Variants in LHPP observed in about 807,000 individuals in gnomAD.
The protein encoded by LHPP is hLHPP.
LHPP carries 24 observed loss-of-function variants against 30.3 expected under a neutral mutation model. The observed-to-expected ratio is 0.79, with a 90% CI of 0.57 to 1.11. The LOEUF is 1.11. Ranked by LOEUF, LHPP falls within the 50% of genes most tolerant of loss-of-function variation. The pLI is 0.00. For synonymous variants in LHPP, 150 were observed against 157.1 expected, an observed-to-expected ratio of 0.95 and a Z score of 0.34; for missense variants, 356 against 367.2, an observed-to-expected ratio of 0.97 and a Z score of 0.25.
intron 6 of LHPP, among the ~76,000 whole-genome samples, chr10:124,604,210 C>A (rs1949064541): frequency 6.6e-6 from 1 of 152,200 alleles, no homozygotes; most frequent in Non-Finnish European, 1.5e-5. Flanking sequence ...GAGGTCGGAG[C>A]AGCCTGCCTG....
intron 3 of LHPP, among the ~76,000 whole-genome samples, chr10:124,489,079 C>T (rs1338299761): frequency 1.3e-5 from 2 of 152,134 alleles, no homozygotes; most frequent in East Asian, 3.9e-4. Context: ...TTTGTCTGAG[C>T]CTTTAGCACA....
At chr10:124,587,918 G>A (rs1476484988) in intron 6 of LHPP, among the ~76,000 whole-genome samples, 15 of 152,158 alleles carry the variant, frequency 9.9e-5, no homozygotes, top group African/African-American at 2.7e-4. Context: ...CAGGGCTGCC[G>A]GCCTCTGTAA....
At chr10:124,573,190 G>A (rs897543472) in intron 6 of LHPP, among the ~76,000 whole-genome samples, 1 of 152,210 alleles carries the variant, frequency 6.6e-6, no homozygotes, top group African/African-American at 2.4e-5. Flanking sequence ...AAAAGTTATG[G>A]AGTTAGGATG....
intron 6 of LHPP, among the ~76,000 whole-genome samples, chr10:124,550,343 C>A (rs762519333): frequency 2.9e-4 from 44 of 152,362 alleles, no homozygotes; most frequent in Non-Finnish European, 2.8e-4. Flanking sequence ...GACTGTCCCC[C>A]CTTCTCCCCC....
chr10:124,545,666 G>A (rs2133950838), intron 6 of LHPP, among the ~76,000 whole-genome samples: 1 of 152,330 alleles, frequency 6.6e-6, no homozygotes, highest in South Asian at 2.1e-4. Context: ...TGGGGTGGAA[G>A]TGTTAGTGCG....
At chr10:124,587,711 G>T (rs989643452) in intron 6 of LHPP, among the ~76,000 whole-genome samples, 1 of 127,658 alleles carries the variant, frequency 7.8e-6, no homozygotes, top group Non-Finnish European at 1.5e-5. Context: ...CTGCACTCCA[G>T]CCTGGGAGAC....
intron 5 of LHPP, among the ~76,000 whole-genome samples, chr10:124,507,060 GTAGGGGTAGACAGGATTTCAGGT>G (rs1191044637): frequency 5.4e-5 from 1 of 18,664 alleles, no homozygotes; most frequent in Non-Finnish European, 9.6e-5. Flanking sequence ...GATTTCAGGT[GTAGGGGTAGACAGGATTTCAGGT>G]GGGGGGGTAG....
chr10:124,576,543 C>T lies in LHPP; in HGVS notation c.717-36721C>T, dbSNP rs1463707426. 1.3e-5 allele frequency among the ~76,000 whole-genome samples: 2 copies of T among 151,470 alleles called. No homozygotes were observed. Among genetic ancestry groups the T allele is most frequent in the Non-Finnish European group, 1.5e-5 (1 of 67,776 alleles). On this transcript the variant is annotated intron_variant, in intron 6 of 6. Coordinates refer to ENST00000368842, the MANE Select transcript of LHPP (RefSeq NM_022126.4). The surrounding 1 kb of genome is among the most constrained non-coding windows in gnomAD (Gnocchi z 4.2). Reference sequence around the variant, plus strand: ...CTCCATGGCCTGCCCCCAGATCCCCCTTTGCTGCCACCCCTATATCTTACC... The same window carrying T: ...CTCCATGGCCTGCCCCCAGATCCCCTTTTGCTGCCACCCCTATATCTTACC...
At chr10:124,472,239 A>C (rs1243056782) in intron 1 of LHPP, among the ~76,000 whole-genome samples, 2 of 151,990 alleles carry the variant, frequency 1.3e-5, no homozygotes, top group Non-Finnish European at 1.5e-5. Context: ...CTTGAACCCG[A>C]GAGGCAGAGG....
rs913206267 is a variant in LHPP, at chr10:124,593,040, G to A, written c.717-20224G>A. ...AGGTGGCCTCAGTCGGCGTTTCGGG[G>A]AACCGGGTACAAGTTGCTAGGGAAA... On this transcript the variant is annotated intron_variant, in intron 6 of 6. Coordinates refer to ENST00000368842, the MANE Select transcript of LHPP (RefSeq NM_022126.4). The surrounding 1 kb of genome is among the most constrained non-coding windows in gnomAD (Gnocchi z 4.9). Among the ~76,000 whole-genome samples the A allele has an allele frequency of 3.1e-4, 47 of 152,188 alleles. 1 individual carries two copies. Among genetic ancestry groups the A allele is most frequent in the Non-Finnish European group, 6.8e-4 (46 of 68,034 alleles).
chr10:124,533,958 T>C (rs901253761), intron 6 of LHPP, among the ~76,000 whole-genome samples: 1 of 151,546 alleles, frequency 6.6e-6, no homozygotes. Context: ...TCGAGGCTCA[T>C]TGGGTTGGCA....
chr10:124,597,439 G>C (rs1050689901), intron 6 of LHPP, among the ~76,000 whole-genome samples: 2 of 152,226 alleles, frequency 1.3e-5, no homozygotes, highest in African/African-American at 4.8e-5. Flanking sequence ...GTCCCCATCA[G>C]TGTCACTGCC....
At chr10:124,591,766 T>C (rs913539725) in intron 6 of LHPP, among the ~76,000 whole-genome samples, 1 of 152,130 alleles carries the variant, frequency 6.6e-6, no homozygotes, top group Non-Finnish European at 1.5e-5. Context: ...CAACTTCTGA[T>C]ACCAGGTAGG....
intron 5 of LHPP, among the ~76,000 whole-genome samples, chr10:124,512,616 CAAA>C (rs34808470): frequency 5.5e-5 from 3 of 54,180 alleles, no homozygotes; most frequent in African/African-American, 1.5e-4. Flanking sequence ...GACTCCGTCT[CAAA>C]AAAAAAAAAA....
At chr10:124,528,531 G>C (rs924096053) in intron 6 of LHPP, among the ~76,000 whole-genome samples, 6 of 152,058 alleles carry the variant, frequency 3.9e-5, no homozygotes, top group African/African-American at 1.4e-4. Context: ...GCTAATTTTT[G>C]TATTTCCACT....
chr10:124,530,170 G>A (rs1021098906), intron 6 of LHPP, among the ~76,000 whole-genome samples: 3 of 152,150 alleles, frequency 2.0e-5, no homozygotes, highest in African/African-American at 7.2e-5. Flanking sequence ...GTGTGCATCC[G>A]GCCTTCTTGC....
At chr10:124,471,931 G>A (rs573197504) in intron 1 of LHPP, among the ~76,000 whole-genome samples, 1 of 151,116 alleles carries the variant, frequency 6.6e-6, no homozygotes, top group Non-Finnish European at 1.5e-5. Context: ...ACCGTGTCTA[G>A]CTCAGAATGG....
chr10:124,525,317 C>T (rs1038414390), intron 6 of LHPP, among the ~76,000 whole-genome samples: 2 of 152,198 alleles, frequency 1.3e-5, no homozygotes, highest in Non-Finnish European at 2.9e-5. Flanking sequence ...GACACATGGG[C>T]GTGAGTCCTT....
chr10:124,549,622 C>G (rs912542275), intron 6 of LHPP, among the ~76,000 whole-genome samples: 23 of 152,210 alleles, frequency 1.5e-4, no homozygotes, highest in African/African-American at 5.3e-4. Flanking sequence ...CTTTTTTCCC[C>G]TTAATCTGAG....
Sources: gnomAD v4.1 joint callset for allele counts (sites outside exome capture counted in the v4.1 genomes callset) on GRCh38, gnomAD v4.1.1 for gene constraint, Gnocchi (gnomAD v3.1) non-coding constraint, MANE v1.5 for transcripts, NCBI Gene and HGNC (gene_info 2026-07-23, HGNC 2026-07-21) for gene names.